Variants in LGSN observed in about 807,000 individuals in gnomAD.
LGSN encodes the protein lengsin.
LGSN carries 21 observed loss-of-function variants against 19.5 expected under a neutral mutation model. The ratio of observed to expected loss-of-function variants is 1.07; its 90% CI spans 0.76 to 1.55. LGSN has a LOEUF of 1.55. LGSN is among the 40% of genes most tolerant of loss of function. The pLI is 0.00. For synonymous variants in LGSN, 257 were observed against 215.6 expected, an observed-to-expected ratio of 1.19 and a Z score of -1.68; for missense variants, 673 against 608.5, an observed-to-expected ratio of 1.11 and a Z score of -1.12.
rs1156920179 is a variant in LGSN at position 63,288,234 on chromosome 6, T to A, written c.164-2481A>T. Among the ~76,000 whole-genome samples the A allele has an allele frequency of 1.8e-3, 204 of 116,114 alleles. 1 individual carries two copies. Among genetic ancestry groups the A allele is most frequent in the East Asian group, 5.0e-3 (23 of 4,646 alleles). 76.2% of individuals were successfully genotyped at this position (116,114 alleles called of 152,430 possible). A position where few individuals can be genotyped will look rare whatever the true frequency, so the allele number is the denominator to read the frequency against. On this transcript the variant is annotated intron_variant, in intron 2 of 3. Transcript: ENST00000370657. ...AGAGTGAGACTCCATCTCAAAAAAA[T>A]AAATAAATAAATAAATAAATAAATA...
At position 63,276,004 on chromosome 6, in the gene LGSN, G is replaced by C. The variant is rs940655084; in HGVS notation, c.*4017C>G. The C allele has an allele frequency of 6.6e-6, 1 of 152,202 alleles. No individual in the cohort carries two copies. The highest frequency in any genetic ancestry group is 1.5e-5 in the Non-Finnish European group (1 of 68,034). 9.4% of individuals were successfully genotyped at this position (152,202 alleles called of 1,614,324 possible). A position where few individuals can be genotyped will look rare whatever the true frequency, so the allele number is the denominator to read the frequency against. On this transcript the variant is annotated 3_prime_UTR_variant, in exon 4 of 4. Coordinates refer to ENST00000370657, the MANE Select transcript of LGSN (RefSeq NM_016571.3). The stretch of plus-strand genomic sequence containing the variant: ...GAATTCACATCCTAATTAGCAATTA[G>C]GAAGTATCATGTAAACCCCTAATTA...
the LGSN span, among the ~76,000 whole-genome samples, chr6:63,428,958 C>T: frequency 6.6e-6 from 1 of 152,122 alleles, no homozygotes; most frequent in African/African-American, 2.4e-5. Context: ...CTGAGGTATT[C>T]CTGAGCTACC....
the LGSN span, among the ~76,000 whole-genome samples, chr6:63,560,157 GGGAAACCCC>G: frequency 5.9e-5 from 9 of 151,788 alleles, no homozygotes; most frequent in Non-Finnish European, 8.8e-5. Context: ...GGCAAACATG[GGGAAACCCC>G]GTCTCTACTA....
chr6:63,511,420 A>AT, the LGSN span, among the ~76,000 whole-genome samples: 1 of 151,770 alleles, frequency 6.6e-6, no homozygotes, highest in Non-Finnish European at 1.5e-5. Context: ...CGCCCAGCTA[A>AT]TTTTTGTACT....
the LGSN span, among the ~76,000 whole-genome samples, chr6:63,340,971 A>G: frequency 0.28 from 42,302 of 151,796 alleles, 6,727 homozygotes; most frequent in African/African-American, 0.42. Flanking sequence ...TATCTATAGC[A>G]TTGGTTGTGT....
the LGSN span, among the ~76,000 whole-genome samples, chr6:63,505,622 A>AAAT: frequency 7.8e-6 from 1 of 128,682 alleles, no homozygotes; most frequent in Non-Finnish European, 1.6e-5. Flanking sequence ...AGAAAGAAAG[A>AAAT]AAGAAAGAAA....
chr6:63,335,226 A>G, the LGSN span, among the ~76,000 whole-genome samples: 4 of 152,122 alleles, frequency 2.6e-5, no homozygotes, highest in Non-Finnish European at 5.9e-5. Flanking sequence ...CTGTATGCCA[A>G]AGAATGAGAC....
At chr6:63,326,639 G>A in the LGSN span, among the ~76,000 whole-genome samples, 14 of 152,168 alleles carry the variant, frequency 9.2e-5, no homozygotes, top group Middle Eastern at 3.2e-3. Context: ...CGAGCACAGC[G>A]CTGGTGTGCT....
the LGSN span, among the ~76,000 whole-genome samples, chr6:63,427,704 C>T: frequency 0.47 from 72,009 of 151,934 alleles, 18,336 homozygotes; most frequent in Non-Finnish European, 0.54. Flanking sequence ...CTGTTTTCTC[C>T]TTGTGGGTAG....
chr6:63,413,162 A>G, the LGSN span, among the ~76,000 whole-genome samples: 204 of 152,292 alleles, frequency 1.3e-3, 2 homozygotes, highest in South Asian at 0.024. Context: ...AAGCAACACC[A>G]TACATTACAG....
chr6:63,464,869 A>G, the LGSN span, among the ~76,000 whole-genome samples: 1 of 151,792 alleles, frequency 6.6e-6, no homozygotes. Flanking sequence ...TATTGAAACA[A>G]CAAAAAAGTA....
the LGSN span, among the ~76,000 whole-genome samples, chr6:63,365,200 A>G: frequency 6.6e-6 from 1 of 152,198 alleles, no homozygotes; most frequent in African/African-American, 2.4e-5. Context: ...CAAGACTAAT[A>G]AAGAAGAAAA....
intron 2 of LGSN, among the ~76,000 whole-genome samples, chr6:63,291,598 A>C (rs1301325464): frequency 6.6e-6 from 1 of 152,116 alleles, no homozygotes; most frequent in African/African-American, 2.4e-5. Context: ...TGGGCATAGG[A>C]TAGGGACATG....
At chr6:63,368,037 A>G in the LGSN span, among the ~76,000 whole-genome samples, 3 of 151,970 alleles carry the variant, frequency 2.0e-5, no homozygotes, top group African/African-American at 7.3e-5. Context: ...ACATGTATAC[A>G]TATGTAATAA....
chr6:63,447,875 A>C, the LGSN span, among the ~76,000 whole-genome samples: 2 of 152,204 alleles, frequency 1.3e-5, no homozygotes, highest in Non-Finnish European at 2.9e-5. Flanking sequence ...TTGATAATTA[A>C]ATGATGGCAC....
the LGSN span, among the ~76,000 whole-genome samples, chr6:63,333,442 G>A: frequency 6.6e-6 from 1 of 151,028 alleles, no homozygotes; most frequent in Non-Finnish European, 1.5e-5. Flanking sequence ...GAAAAGAAAA[G>A]AGGGAAGGGG....
chr6:63,317,682 A>C (rs1243627092), intron 1 of LGSN, among the ~76,000 whole-genome samples: 1 of 152,166 alleles, frequency 6.6e-6, no homozygotes, highest in African/African-American at 2.4e-5. Context: ...GGGTAGGTAA[A>C]TCTCTAGCCT....
At chr6:63,424,936 T>A in the LGSN span, among the ~76,000 whole-genome samples, 2 of 149,330 alleles carry the variant, frequency 1.3e-5, no homozygotes, top group African/African-American at 2.4e-5. Flanking sequence ...AGAAAAAAAA[T>A]TCACCAGTAG....
chr6:63,385,045 G>T, the LGSN span, among the ~76,000 whole-genome samples: 1 of 152,194 alleles, frequency 6.6e-6, no homozygotes, highest in Non-Finnish European at 1.5e-5. Context: ...GTTGAACTTC[G>T]AGCCTGCAGA....
Sources: gnomAD v4.1 joint callset for allele counts (sites outside exome capture counted in the v4.1 genomes callset) on GRCh38, gnomAD v4.1.1 for gene constraint, MANE v1.5 for transcripts, NCBI Gene and HGNC (gene_info 2026-07-23, HGNC 2026-07-21) for gene names.